FFAR4: variants seen among roughly 807,000 people sequenced by gnomAD.
FFAR4 encodes the protein free fatty acid receptor 4.
A neutral mutation model predicts 27.0 loss-of-function variants in FFAR4; 19 were observed. The observed-to-expected ratio is 0.70, with a 90% CI of 0.49 to 1.03. The LOEUF (loss-of-function observed/expected upper bound fraction) is 1.03. Among genes scored for constraint, FFAR4 ranks in the 50% least tolerant of loss-of-function variants. The probability of loss-of-function intolerance (pLI) is 0.00; values close to 1 mark genes in which losing one functional copy is unlikely to be tolerated. For synonymous variants in FFAR4, 254 were observed against 215.6 expected (o/e 1.18, Z -1.56); for missense variants, 476 against 479.0 (o/e 0.99, Z 0.06).
intron 1 of FFAR4, among the ~76,000 whole-genome samples, chr10:93,567,849 C>G (rs921686146): frequency 6.6e-6 from 1 of 152,076 alleles, no homozygotes; most frequent in Admixed American, 6.6e-5. Context: ...GACCCGGGGA[C>G]CCCAGATGCA....
chr10:93,585,071 A>G (rs2058219387), intron 2 of FFAR4, among the ~76,000 whole-genome samples: 1 of 152,146 alleles, frequency 6.6e-6, no homozygotes, highest in Non-Finnish European at 1.5e-5. Flanking sequence ...AATTTACCTG[A>G]ACTGTGAATG....
Position 93,566,897 on chromosome 10 carries a change from G to A in FFAR4, c.177G>A (p.Val59=). The change falls in exon 1 of 3, where the codon GTG becomes GTA. Residue 59 remains valine (V), a synonymous_variant. Coordinates refer to ENST00000371481, the MANE Select transcript of FFAR4 (RefSeq NM_001195755.2). ...TTGCAGTGTCGCTGCTGGGCAACGT[G>A]TGCGCCCTGGTGCTGGTGGCGCGCC... ...LIFAVSLLGN[V]CALVLVARRR... 6.2e-7 allele frequency: 1 copy of A among 1,606,980 alleles called. No homozygotes were observed. The highest frequency in any genetic ancestry group is 1.1e-5 in the South Asian group (1 of 90,242).
intron 1 of FFAR4, among the ~76,000 whole-genome samples, chr10:93,568,088 T>A (rs142268638): frequency 6.6e-6 from 1 of 152,182 alleles, no homozygotes; most frequent in Non-Finnish European, 1.5e-5. Context: ...CTGCGGATAG[T>A]GCAGGACATT....
At position 93,566,818 on chromosome 10, in the gene FFAR4, G is replaced by T; in HGVS notation, c.98G>T (p.Gly33Val). 6.2e-7 allele frequency: 1 copy of T among 1,604,936 alleles called. No individual in the cohort carries two copies. Among genetic ancestry groups the T allele is most frequent in the Non-Finnish European group, 8.5e-7 (1 of 1,177,058 alleles). ...TTTCCCTTCTTCTCCGACGTCAAGGGCGACCACCGGCTGGTGCTGGCCGCG... is the reference window on the plus strand; with the variant it reads ...TTTCCCTTCTTCTCCGACGTCAAGGTCGACCACCGGCTGGTGCTGGCCGCG... ...TRFPFFSDVK[G>V]DHRLVLAAVE... The change falls in exon 1 of 3, where the codon GGC becomes GTC. Residue 33 changes from glycine (G) to valine (V), a missense_variant. Physicochemically the swap from Gly to Val is moderately radical, Grantham distance 109. Coordinates refer to ENST00000371481, the MANE Select transcript of FFAR4 (RefSeq NM_001195755.2).
At chr10:93,569,877 G>T (rs1285762691) in intron 1 of FFAR4, among the ~76,000 whole-genome samples, 30 of 151,942 alleles carry the variant, frequency 2.0e-4, no homozygotes. Context: ...TGGCCAACGT[G>T]GTGAAACCCC....
rs2058236448 is a variant in FFAR4 at position 93,587,540 on chromosome 10, C to T, written c.1017C>T (p.Phe339=). 1.2e-6 allele frequency: 2 copies of T among 1,614,016 alleles called. No homozygotes were observed. The highest frequency in any genetic ancestry group is 1.7e-6 in the Non-Finnish European group (2 of 1,179,946). Residue 339 remains phenylalanine, a synonymous_variant, in exon 3 of 3, where the codon TTC becomes TTT. Transcript: ENST00000371481. ...EWKKIFCCFW[F]PEKGAILTDT... is the part of the protein sequence containing the mutation. ...AGAAAATTTTTTGCTGCTTCTGGTT[C>T]CCAGAAAAGGGAGCCATTTTAACAG...
intron 2 of FFAR4, among the ~76,000 whole-genome samples, chr10:93,580,781 C>T (rs1162133968): frequency 6.6e-6 from 1 of 152,266 alleles, no homozygotes; most frequent in Non-Finnish European, 1.5e-5. Context: ...ACTGCCCACC[C>T]TTCAGGGGCT....
chr10:93,572,090 T>C (rs1267712581), intron 1 of FFAR4, among the ~76,000 whole-genome samples: 1 of 152,180 alleles, frequency 6.6e-6, no homozygotes, highest in African/African-American at 2.4e-5. Flanking sequence ...TAATGTGTAT[T>C]AGGCAGAATT....
At chr10:93,571,188 C>G (rs1426893682) in intron 1 of FFAR4, among the ~76,000 whole-genome samples, 3 of 152,212 alleles carry the variant, frequency 2.0e-5, no homozygotes, top group Non-Finnish European at 4.4e-5. Context: ...CCTGCTTCAA[C>G]AGGATTCCAG....
In FFAR4 at chr10:93,567,132, G is replaced by T. The variant is rs1197869988; in HGVS notation, c.412G>T (p.Val138Leu). 2.5e-6 allele frequency: 4 copies of T among 1,607,612 alleles called. No individual in the cohort carries two copies. Among genetic ancestry groups the T allele is most frequent in the Non-Finnish European group, 3.4e-6 (4 of 1,178,610 alleles). ...TLAAVSLERM[V>L]CIVHLQRGVR... is the part of the protein sequence containing the mutation. ...GGCCGCGGTCAGCCTGGAGCGCATG[G>T]TGTGCATCGTGCACCTGCAGCGCGG... Residue 138 changes from valine (V) to leucine (L), a missense_variant, in exon 1 of 3, where the codon GTG becomes TTG. Coordinates refer to ENST00000371481, the MANE Select transcript of FFAR4 (RefSeq NM_001195755.2).
intron 2 of FFAR4, among the ~76,000 whole-genome samples, chr10:93,580,076 G>A (rs983676051): frequency 1.6e-4 from 25 of 152,272 alleles, no homozygotes; most frequent in African/African-American, 5.8e-4. Context: ...AGTTTGCCAG[G>A]CTGATAATTT....
At chr10:93,575,999 C>G (rs1248670212) in intron 1 of FFAR4, 92 bp from the exon 2 acceptor site, 1 of 1,284,350 alleles carries the variant, frequency 7.8e-7, no homozygotes, top group Non-Finnish European at 1.1e-6. Context: ...GCAATGCAAC[C>G]GTGTAAGTGT....
chr10:93,585,466 C>A (rs191502835), intron 2 of FFAR4, among the ~76,000 whole-genome samples: 1 of 152,316 alleles, frequency 6.6e-6, no homozygotes, highest in East Asian at 1.9e-4. Flanking sequence ...TTTAATGACA[C>A]CTATGTCTGA....
In FFAR4 at chr10:93,579,220, C is replaced by T. The variant is rs1489681987; in HGVS notation, c.696+3001C>T. ...ACTCACAGTGAGGTAAAAGGGCACT[C>T]TGAGTAACAGAGTAACAGAGCAAAT... is the stretch of plus-strand genomic sequence containing the variant. On this transcript the variant is annotated intron_variant, in intron 2 of 2. Transcript: ENST00000371481. The T allele has an allele frequency of 1.9e-6, 3 of 1,605,922 alleles. No homozygotes were observed. The South Asian group carries it at 3.3e-5, about 18-fold the overall frequency.
chr10:93,578,397 A>G lies in FFAR4; in HGVS notation c.696+2178A>G, dbSNP rs185777161. Among the ~76,000 whole-genome samples the G allele has an allele frequency of 4.4e-3, 654 of 147,068 alleles. 9 individuals are homozygous for G. Among genetic ancestry groups the G allele is most frequent in the African/African-American group, 0.016 (604 of 38,780 alleles). The stretch of plus-strand genomic sequence containing the variant: ...GTGCCACTGCACTCCAGCCTGGGCA[A>G]CAAAGTGAGATTCCCTCTCAAAAAA... On this transcript the variant is annotated intron_variant, in intron 2 of 2. Transcript: ENST00000371481.
At chr10:93,570,188 T>TCACACA (rs76165485) in intron 1 of FFAR4, among the ~76,000 whole-genome samples, 1,577 of 148,762 alleles carry the variant, frequency 0.011, 22 homozygotes, top group African/African-American at 0.035. Context: ...TCTGTCTCTC[T>TCACACA]CACACACACA....
intron 2 of FFAR4, among the ~76,000 whole-genome samples, chr10:93,583,659 T>C (rs1348862212): frequency 6.6e-6 from 1 of 152,204 alleles, no homozygotes; most frequent in Non-Finnish European, 1.5e-5. Flanking sequence ...GGCGTCAGGC[T>C]GCCAAGTTGG....
chr10:93,580,619 A>G (rs1219956209), intron 2 of FFAR4, among the ~76,000 whole-genome samples: 2 of 152,206 alleles, frequency 1.3e-5, no homozygotes, highest in African/African-American at 4.8e-5. Context: ...GCTAAACGTG[A>G]CTACAGAACC....
chr10:93,583,672 G>C (rs1165668905), intron 2 of FFAR4, among the ~76,000 whole-genome samples: 1 of 152,212 alleles, frequency 6.6e-6, no homozygotes, highest in East Asian at 1.9e-4. Flanking sequence ...CAAGTTGGCA[G>C]TCCACCTCGG....
Sources: gnomAD v4.1 joint callset for allele counts (sites outside exome capture counted in the v4.1 genomes callset) on GRCh38, gnomAD v4.1.1 for gene constraint, MANE v1.5 for transcripts, NCBI Gene and HGNC (gene_info 2026-07-23, HGNC 2026-07-21) for gene names.